Variants in IGFBP7 observed in about 807,000 individuals in gnomAD.
IGFBP7 encodes the protein insulin like growth factor binding protein 7, also known as insulin-like growth factor-binding protein 7.
A neutral mutation model predicts 29.4 loss-of-function variants in IGFBP7; 31 were observed. The ratio of observed to expected loss-of-function variants is 1.05; its 90% CI spans 0.79 to 1.42. The LOEUF (loss-of-function observed/expected upper bound fraction) is 1.42. Among genes scored for constraint, IGFBP7 ranks in the 40% most tolerant of loss-of-function variants. IGFBP7 has a pLI of 0.00. For synonymous variants in IGFBP7, 172 were observed against 174.9 expected (o/e 0.98, Z 0.13); for missense variants, 393 against 395.5 (o/e 0.99, Z 0.05).
At chr4:57,034,984 A>C (rs1724047878) in intron 2 of IGFBP7, among the ~76,000 whole-genome samples, 1 of 152,246 alleles carries the variant, frequency 6.6e-6, no homozygotes, top group Non-Finnish European at 1.5e-5. Flanking sequence ...TAGTTACTTA[A>C]AAATGGGTTG....
chr4:57,080,209 T>A (rs1375434283), intron 1 of IGFBP7, among the ~76,000 whole-genome samples: 1 of 152,204 alleles, frequency 6.6e-6, no homozygotes, highest in Admixed American at 6.5e-5. Flanking sequence ...TTCTGAAGAC[T>A]GGATTTTCAA....
chr4:57,031,270 T>TA lies in IGFBP7; in HGVS notation c.*46dup, dbSNP rs1307286527. 6.7e-7 allele frequency: 1 copy of TA among 1,493,808 alleles called. No individual in the cohort carries two copies. The highest frequency in any genetic ancestry group is 1.7e-5 in the Admixed American group (1 of 59,802). The allele number at this position is 1,493,808 out of a possible 1,614,324, so 92.5% of individuals were successfully genotyped here. On this transcript the variant is annotated 3_prime_UTR_variant, in exon 5 of 5. Transcript: ENST00000295666. ...ATTAGGCAAGAACAGGTAATGTAGT[T>TA]ATCCATGACTACTTTTAACCATGCA...
At chr4:57,082,008 C>T (rs1267839145) in intron 1 of IGFBP7, among the ~76,000 whole-genome samples, 3 of 152,056 alleles carry the variant, frequency 2.0e-5, no homozygotes, top group Non-Finnish European at 4.4e-5. Context: ...AGAACCGACT[C>T]GGGGATGCTG....
chr4:57,073,261 T>A (rs2109778098), intron 1 of IGFBP7: 1 of 578,732 alleles, frequency 1.7e-6, no homozygotes, highest in South Asian at 2.3e-5. Flanking sequence ...ATTATTAGTC[T>A]TTTAAGCCTC....
intron 1 of IGFBP7, among the ~76,000 whole-genome samples, chr4:57,105,084 G>A (rs542228303): frequency 6.6e-6 from 1 of 152,288 alleles, no homozygotes; most frequent in Admixed American, 6.5e-5. Flanking sequence ...GAGCCCTTTT[G>A]TGGCAGTTGG....
At chr4:57,091,909 T>A (rs937021011) in intron 1 of IGFBP7, among the ~76,000 whole-genome samples, 6 of 152,212 alleles carry the variant, frequency 3.9e-5, no homozygotes, top group Admixed American at 3.9e-4. Flanking sequence ...GGAAACAGGC[T>A]GTCCCTCACA....
chr4:57,051,837 G>C (rs35551730), intron 1 of IGFBP7, among the ~76,000 whole-genome samples: 28,775 of 152,192 alleles, frequency 0.19, 2,839 homozygotes, highest in East Asian at 0.21. Flanking sequence ...TACCTGGCAT[G>C]GGGTAAACAT....
chr4:57,054,929 G>C (rs1284480509), intron 1 of IGFBP7, among the ~76,000 whole-genome samples: 1 of 152,144 alleles, frequency 6.6e-6, no homozygotes, highest in Non-Finnish European at 1.5e-5. Context: ...CTGAGAACCA[G>C]ACACGTGTTT....
intron 1 of IGFBP7, among the ~76,000 whole-genome samples, chr4:57,057,503 A>G (rs1189159374): frequency 1.3e-5 from 2 of 152,258 alleles, no homozygotes; most frequent in African/African-American, 2.4e-5. Flanking sequence ...TAATTTCCTC[A>G]TAAAACAGGG....
Position 57,110,316 on chromosome 4 carries a change from G to A in IGFBP7, c.36C>T (p.Gly12=), listed in dbSNP as rs1158522945. ...ERPSLRALLL[G]AAGLLLLLLP... Reference sequence around the variant, plus strand: ...GGAGCAGGAGCAGCAGCCCAGCGGCGCCGAGGAGCAGGGCGCGCAGCGACG... The same window carrying A: ...GGAGCAGGAGCAGCAGCCCAGCGGCACCGAGGAGCAGGGCGCGCAGCGACG... The change falls in exon 1 of 5, where the codon GGC becomes GGT. Residue 12 remains glycine, a synonymous_variant. Coordinates refer to ENST00000295666, the MANE Select transcript of IGFBP7 (RefSeq NM_001553.3). 1 of 1,410,288 alleles carries A rather than the reference G, an allele frequency of 7.1e-7. No homozygotes were observed. Among genetic ancestry groups the A allele is most frequent in the African/African-American group, 1.5e-5 (1 of 67,330 alleles). 87.4% of individuals were successfully genotyped at this position (1,410,288 alleles called of 1,614,324 possible). A position where few individuals can be genotyped will look rare whatever the true frequency, so the allele number is the denominator to read the frequency against.
Position 57,075,252 on chromosome 4 carries a change from G to A in IGFBP7, c.476-34319C>T, listed in dbSNP as rs73818604. Among the ~76,000 whole-genome samples the A allele has an allele frequency of 8.5e-3, 1,298 of 152,220 alleles. 22 individuals carry two copies. The highest frequency in any genetic ancestry group is 0.03 in the African/African-American group (1,234 of 41,510). On this transcript the variant is annotated intron_variant, in intron 1 of 4. Transcript: ENST00000295666. ...TGTGAGGTTGCTTAACTAACCTCCT[G>A]CCCACTAAAGGAGACATATTTTCTA...
At chr4:57,092,901 A>G (rs908450055) in intron 1 of IGFBP7, among the ~76,000 whole-genome samples, 7 of 151,866 alleles carry the variant, frequency 4.6e-5, no homozygotes, top group African/African-American at 1.7e-4. Context: ...TAAATTTAAA[A>G]TTTGCAAATA....
intron 2 of IGFBP7, among the ~76,000 whole-genome samples, chr4:57,033,795 TAATC>T (rs1260992998): frequency 1.3e-5 from 2 of 152,144 alleles, no homozygotes; most frequent in Non-Finnish European, 2.9e-5. Context: ...GGCTAAGAAT[TAATC>T]AAATGATTTA....
chr4:57,038,795 G>A (rs1188714879), intron 2 of IGFBP7, among the ~76,000 whole-genome samples: 1 of 151,954 alleles, frequency 6.6e-6, no homozygotes, highest in Non-Finnish European at 1.5e-5. Context: ...GACCAGGCGC[G>A]GTGGCTCACA....
intron 1 of IGFBP7, among the ~76,000 whole-genome samples, chr4:57,059,320 C>T (rs1472761640): frequency 6.6e-6 from 1 of 152,152 alleles, no homozygotes; most frequent in African/African-American, 2.4e-5. Flanking sequence ...GCACTATTCA[C>T]CATAGCAAAG....
intron 1 of IGFBP7, among the ~76,000 whole-genome samples, chr4:57,058,174 T>C (rs1724717278): frequency 6.6e-6 from 1 of 152,204 alleles, no homozygotes; most frequent in African/African-American, 2.4e-5. Flanking sequence ...TTCATAAGGT[T>C]AGCACTAGCT....
intron 1 of IGFBP7, among the ~76,000 whole-genome samples, chr4:57,042,402 TGCA>T (rs1724250497): frequency 6.6e-6 from 1 of 152,182 alleles, no homozygotes; most frequent in Non-Finnish European, 1.5e-5. Context: ...CAGGCTGGAG[TGCA>T]GTGGCATGAT....
At chr4:57,047,265 T>C (rs1178067879) in intron 1 of IGFBP7, among the ~76,000 whole-genome samples, 1 of 152,230 alleles carries the variant, frequency 6.6e-6, no homozygotes, top group Non-Finnish European at 1.5e-5. Context: ...GCAGTTCCCC[T>C]GCACATGCTG....
intron 1 of IGFBP7, among the ~76,000 whole-genome samples, chr4:57,091,587 T>C (rs1320154818): frequency 6.6e-6 from 1 of 152,250 alleles, no homozygotes; most frequent in Non-Finnish European, 1.5e-5. Context: ...TATGAACATA[T>C]GTGAAAATTC....
Sources: gnomAD v4.1 joint callset for allele counts (sites outside exome capture counted in the v4.1 genomes callset) on GRCh38, gnomAD v4.1.1 for gene constraint, MANE v1.5 for transcripts, NCBI Gene and HGNC (gene_info 2026-07-23, HGNC 2026-07-21) for gene names.